The following PCDH11Y variants were observed in gnomAD, a reference collection of about 807,000 sequenced individuals.
PCDH11Y encodes protocadherin-11 Y-linked.
For missense variants in PCDH11Y, 12 were observed against 224.8 expected (o/e 0.05, Z 6.05); for synonymous variants, 9 against 83.6 (o/e 0.11, Z 4.87).
At chrY:5,641,212 C>T (rs2053522800) in intron 4 of PCDH11Y, among the ~76,000 whole-genome samples, 1 of 33,539 alleles carries the variant, frequency 3.0e-5, no homozygotes, top group Non-Finnish European at 7.4e-5. Context: ...AAAACTTTCT[C>T]AATATTAGCA....
intron 2 of PCDH11Y, among the ~76,000 whole-genome samples, chrY:5,475,894 T>C: frequency 3.1e-5 from 1 of 31,780 alleles, no homozygotes; most frequent in South Asian, 7.3e-4. Flanking sequence ...AACACAAAGG[T>C]AAGTATTTGT....
intron 2 of PCDH11Y, among the ~76,000 whole-genome samples, chrY:5,191,733 G>A (rs2052912865): frequency 3.7e-5 from 1 of 26,745 alleles, no homozygotes; most frequent in Non-Finnish European, 8.5e-5. Flanking sequence ...AAGAACATGC[G>A]GTGTTTGGTT....
At chrY:5,563,541 A>C (rs2124695505) in intron 3 of PCDH11Y, among the ~76,000 whole-genome samples, 1 of 33,478 alleles carries the variant, frequency 3.0e-5, no homozygotes, top group South Asian at 6.6e-4. Flanking sequence ...CATTGTATCC[A>C]TCTCAGATAA....
intron 2 of PCDH11Y, among the ~76,000 whole-genome samples, chrY:5,212,370 G>T (rs2052939996): frequency 1.4e-4 from 4 of 29,259 alleles, no homozygotes; most frequent in African/African-American, 5.3e-4. Context: ...TTGTGTTAAG[G>T]TTCATTTTGA....
intron 2 of PCDH11Y, among the ~76,000 whole-genome samples, chrY:5,311,417 A>G: frequency 7.3e-5 from 2 of 27,521 alleles, no homozygotes; most frequent in Admixed American, 7.3e-4. Context: ...TAAGCAAATC[A>G]TATAATAAAC....
chrY:5,385,756 A>T, intron 2 of PCDH11Y, among the ~76,000 whole-genome samples: 6 of 33,624 alleles, frequency 1.8e-4, no homozygotes, highest in African/African-American at 7.0e-4. Flanking sequence ...ATCCCTGATC[A>T]TTAGTGCTGT....
intron 2 of PCDH11Y, among the ~76,000 whole-genome samples, chrY:5,302,375 C>T: frequency 1.2e-4 from 4 of 32,158 alleles, no homozygotes; most frequent in Non-Finnish European, 2.3e-4. Flanking sequence ...GGAACTTAAA[C>T]TAAAGCTCAG....
chrY:5,295,499 C>T (rs2124662410), intron 2 of PCDH11Y, among the ~76,000 whole-genome samples: 1 of 32,720 alleles, frequency 3.1e-5, no homozygotes, highest in South Asian at 6.9e-4. Context: ...GCCTCAGCCT[C>T]CTGAGTAGCT....
intron 2 of PCDH11Y, among the ~76,000 whole-genome samples, chrY:5,274,185 G>GA (rs2053041177): frequency 6.1e-5 from 2 of 32,755 alleles, no homozygotes; most frequent in Admixed American, 5.6e-4. Context: ...TTTATGGATA[G>GA]AAAAAAATAG....
intron 2 of PCDH11Y, among the ~76,000 whole-genome samples, chrY:5,366,542 T>G: frequency 6.1e-5 from 2 of 32,858 alleles, no homozygotes; most frequent in African/African-American, 2.4e-4. Context: ...ATTGTTTGAG[T>G]AAATCTTATC....
chrY:5,352,231 C>T, intron 2 of PCDH11Y, among the ~76,000 whole-genome samples: 1 of 29,437 alleles, frequency 3.4e-5, no homozygotes, highest in Non-Finnish European at 8.0e-5. Context: ...AAGGGATTCT[C>T]CTGCCTCAGC....
chrY:5,571,339 A>G, intron 3 of PCDH11Y, among the ~76,000 whole-genome samples: 1 of 28,710 alleles, frequency 3.5e-5, no homozygotes, highest in East Asian at 9.5e-4. Context: ...TATGGATTTT[A>G]AAAAACATGC....
intron 2 of PCDH11Y, among the ~76,000 whole-genome samples, chrY:5,294,320 G>A: frequency 3.0e-5 from 1 of 32,841 alleles, no homozygotes; most frequent in Middle Eastern, 0.015. Flanking sequence ...GCAGTGGCAC[G>A]ATTTTGACTC....
At chrY:5,609,625 G>T (rs2053484487) in intron 4 of PCDH11Y, among the ~76,000 whole-genome samples, 1 of 5,487 alleles carries the variant, frequency 1.8e-4, no homozygotes, top group Non-Finnish European at 3.5e-4. Context: ...GGTGTGGTGT[G>T]GTGCTGAAAA....
At chrY:5,366,177 A>G (rs2053179907) in intron 2 of PCDH11Y, among the ~76,000 whole-genome samples, 1 of 33,716 alleles carries the variant, frequency 3.0e-5, no homozygotes, top group African/African-American at 1.2e-4. Context: ...GTTTTTTTCC[A>G]ATGCCATTTT....
At chrY:5,697,793 T>C in intron 4 of PCDH11Y, among the ~76,000 whole-genome samples, 1 of 31,589 alleles carries the variant, frequency 3.2e-5, no homozygotes, top group Non-Finnish European at 7.7e-5. Context: ...TGTCTTTTAA[T>C]TGGGGGATTT....
chrY:5,304,012 G>A, intron 2 of PCDH11Y, among the ~76,000 whole-genome samples: 2 of 32,322 alleles, frequency 6.2e-5, no homozygotes, highest in Admixed American at 5.7e-4. Flanking sequence ...CCAGAAGATA[G>A]AGATGGCAGG....
intron 2 of PCDH11Y, among the ~76,000 whole-genome samples, chrY:5,115,801 T>C (rs1602870375): frequency 2.5e-4 from 5 of 20,395 alleles, no homozygotes; most frequent in African/African-American, 4.2e-4. Flanking sequence ...AGTGCAGTGG[T>C]GCGATCTCGG....
intron 3 of PCDH11Y, among the ~76,000 whole-genome samples, chrY:5,567,701 A>G: frequency 3.5e-5 from 1 of 28,482 alleles, no homozygotes; most frequent in East Asian, 8.4e-4. Flanking sequence ...ATATTTATAT[A>G]TAATCAGTAT....
Sources: allele counts gnomAD v4.1 joint callset (sites outside exome capture counted in the v4.1 genomes callset), GRCh38; gene constraint gnomAD v4.1.1; transcripts MANE v1.5; gene names NCBI Gene and HGNC (gene_info 2026-07-23, HGNC 2026-07-21).